The following KIAA1614 variants were observed in gnomAD, a reference collection of about 807,000 sequenced individuals.
KIAA1614 encodes the protein KIAA1614, also known as uncharacterized protein KIAA1614.
Under a neutral mutation model 88.7 loss-of-function variants are expected in KIAA1614, and 76 were observed. The ratio of observed to expected loss-of-function variants is 0.86; its 90% CI spans 0.71 to 1.04. The LOEUF is 1.04. Among genes scored for constraint, KIAA1614 ranks in the 50% least tolerant of loss-of-function variants. The pLI, the probability that KIAA1614 is intolerant of heterozygous loss-of-function variation, is 0.00. For missense variants in KIAA1614, 1,553 were observed against 1,582.5 expected (o/e 0.98, Z 0.32); for synonymous variants, 714 against 675.5 (o/e 1.06, Z -0.88).
chr1:180,929,120 A>G (rs7513966), intron 4 of KIAA1614, among the ~76,000 whole-genome samples: 150,305 of 152,340 alleles, frequency 0.99, 74,180 homozygotes, highest in Middle Eastern at 1. Flanking sequence ...GTGCCTCTGC[A>G]GAAGTCTGTG....
chr1:180,934,375 G>A (rs956776001), intron 4 of KIAA1614, among the ~76,000 whole-genome samples: 4 of 152,008 alleles, frequency 2.6e-5, no homozygotes, highest in Admixed American at 6.6e-5. Context: ...GATCACTTGC[G>A]CCCAGGAGTT....
At chr1:180,928,773 A>G (rs1654129673) in intron 4 of KIAA1614, among the ~76,000 whole-genome samples, 200 bp downstream of exon 4, 1 of 151,386 alleles carries the variant, frequency 6.6e-6, no homozygotes, top group South Asian at 2.1e-4. Flanking sequence ...TCAGGCACTG[A>G]GATACAAAGA....
chr1:180,927,108 C>G (rs1300271818), intron 3 of KIAA1614, among the ~76,000 whole-genome samples: 2 of 152,144 alleles, frequency 1.3e-5, no homozygotes, highest in African/African-American at 2.4e-5. Context: ...TCCAAGGAAG[C>G]CTTCCTTGGA....
At chr1:180,917,466 G>A (rs1323242093) in intron 2 of KIAA1614, among the ~76,000 whole-genome samples, 4 of 61,330 alleles carry the variant, frequency 6.5e-5, no homozygotes, top group Non-Finnish European at 1.2e-4. Flanking sequence ...GCCCTCTGGT[G>A]GGGCAAGCAG....
At chr1:180,939,112 G>C (rs868020344) in intron 6 of KIAA1614, among the ~76,000 whole-genome samples, 82 of 141,360 alleles carry the variant, frequency 5.8e-4, no homozygotes, top group African/African-American at 1.9e-3. Flanking sequence ...GGCAGAGCTG[G>C]GGGGAGAAGG....
intron 6 of KIAA1614, 70 bp downstream of exon 6, chr1:180,938,781 C>G: frequency 1.3e-6 from 2 of 1,492,050 alleles, no homozygotes; most frequent in South Asian, 2.5e-5. Flanking sequence ...GGGACAGAGA[C>G]CCCCTGGAGT....
chr1:180,924,744 T>C (rs2102261438), intron 3 of KIAA1614, among the ~76,000 whole-genome samples: 1 of 152,304 alleles, frequency 6.6e-6, no homozygotes, highest in East Asian at 1.9e-4. Context: ...TACAAGATGG[T>C]GTTTGTCATT....
intron 8 of KIAA1614, 159 bp downstream of exon 8, chr1:180,944,675 G>A: frequency 1.3e-6 from 1 of 744,660 alleles, no homozygotes; most frequent in Non-Finnish European, 2.1e-6. Context: ...TGCCACGGGA[G>A]TCTCAGCACC....
chr1:180,917,023 T>C lies in KIAA1614; in HGVS notation c.920T>C (p.Met307Thr). 6.2e-7 allele frequency: 1 copy of C among 1,613,942 alleles called. No individual in the cohort carries two copies. Among genetic ancestry groups the C allele is most frequent in the South Asian group, 1.1e-5 (1 of 91,084 alleles). ...AGAAACCGCCTGTTGCTGCAGGAGA[T>C]GCTCAACGTTTCTGGGCAGAGCCCC... The part of the protein sequence containing the change: ...VERNRLLLQE[M>T]LNVSGQSPRK... Residue 307 changes from methionine (M) to threonine (T), a missense_variant, in exon 2 of 9, where the codon ATG (methionine) becomes ACG (threonine). Met to Thr is a moderately conservative substitution (Grantham distance 81). Coordinates refer to ENST00000367588, the MANE Select transcript of KIAA1614 (RefSeq NM_020950.2).
Position 180,916,465 on chromosome 1 carries a change from G to A in KIAA1614, c.362G>A (p.Gly121Asp), listed in dbSNP as rs1450111223. The change falls in exon 2 of 9, where the codon GGC becomes GAC. Residue 121 changes from glycine to aspartate, a missense_variant. By Grantham distance (94) the Gly-to-Asp change is moderately conservative. Coordinates refer to ENST00000367588, the MANE Select transcript of KIAA1614 (RefSeq NM_020950.2). ...SSPKKPQCRR[G>D]KAGRAGTPSE... ...CCCAAGAAACCCCAATGCAGACGAG[G>A]CAAGGCAGGGAGAGCCGGGACTCCA... 3 of 1,614,078 alleles carry A rather than the reference G, an allele frequency of 1.9e-6. No individual in the cohort carries two copies. The highest frequency in any genetic ancestry group is 2.7e-5 in the African/African-American group (2 of 74,946).
At position 180,935,307 on chromosome 1, in the gene KIAA1614, G is replaced by A; in HGVS notation, c.1398G>A (p.Glu466=). ...SAREAEFRHL[E]RLQQRQRQVL... ...GCGAAGCCGAGTTCCGTCACCTGGA[G>A]CGGCTGCAGCAGCGCCAGCGCCAGG... The change falls in exon 5 of 9, where the codon GAG becomes GAA. Residue 466 remains glutamate, a synonymous_variant. Transcript: ENST00000367588. The surrounding 1 kb of genome is among the most constrained non-coding windows in gnomAD (Gnocchi z 6.1). The A allele has an allele frequency of 6.7e-7, 1 of 1,486,596 alleles. No individual in the cohort carries two copies. The allele number at this position is 1,486,596 out of a possible 1,614,324, so 92.1% of individuals were successfully genotyped here. A position where few individuals can be genotyped will look rare whatever the true frequency, so the allele number is the denominator to read the frequency against.
intron 3 of KIAA1614, among the ~76,000 whole-genome samples, chr1:180,920,271 A>G (rs1001431098): frequency 1.3e-5 from 2 of 152,216 alleles, no homozygotes; most frequent in African/African-American, 4.8e-5. Context: ...TTACTTCTGT[A>G]TCAATGAACT....
chr1:180,918,913 A>G (rs1653884934), intron 3 of KIAA1614, among the ~76,000 whole-genome samples: 1 of 152,178 alleles, frequency 6.6e-6, no homozygotes, highest in Non-Finnish European at 1.5e-5. Context: ...GGATCAAGGC[A>G]CAAGCAGATT....
At chr1:180,931,065 A>C (rs1235437205) in intron 4 of KIAA1614, among the ~76,000 whole-genome samples, 1 of 152,248 alleles carries the variant, frequency 6.6e-6, no homozygotes, top group African/African-American at 2.4e-5. Flanking sequence ...GGCTAGAGGC[A>C]GCTGGGGCAA....
Position 180,941,034 on chromosome 1 carries a change from T to A in KIAA1614, c.2919-11T>A. On this transcript the variant is annotated splice_polypyrimidine_tract_variant and intron_variant, in intron 6 of 8. Transcript: ENST00000367588. Reference sequence around the variant, plus strand: ...CTCCCCCGCCCCCTCACCTCCACCCTTGTGTTTCAGAGCATCAGCAGGAGC... The same window carrying A: ...CTCCCCCGCCCCCTCACCTCCACCCATGTGTTTCAGAGCATCAGCAGGAGC... The A allele has an allele frequency of 4.5e-6, 1 of 219,914 alleles. No homozygotes were observed. Among genetic ancestry groups the A allele is most frequent in the Non-Finnish European group, 6.6e-6 (1 of 151,590 alleles). The allele number at this position is 219,914 out of a possible 1,614,324, so 13.6% of individuals were successfully genotyped here. A position where few individuals can be genotyped will look rare whatever the true frequency, so the allele number is the denominator to read the frequency against.
chr1:180,929,246 T>C (rs924971339), intron 4 of KIAA1614, among the ~76,000 whole-genome samples: 14 of 152,154 alleles, frequency 9.2e-5, no homozygotes, highest in Admixed American at 2.6e-4. Context: ...CGCCATGCAG[T>C]GAGTGCTGCA....
At chr1:180,924,245 A>G (rs544650439) in intron 3 of KIAA1614, among the ~76,000 whole-genome samples, 23 of 152,360 alleles carry the variant, frequency 1.5e-4, no homozygotes, top group African/African-American at 5.5e-4. Context: ...CTGAAATTCT[A>G]GGAAAGGAAG....
At chr1:180,914,212 G>A (rs1046032058) in intron 1 of KIAA1614, among the ~76,000 whole-genome samples, 2 of 152,166 alleles carry the variant, frequency 1.3e-5, no homozygotes, top group Non-Finnish European at 2.9e-5. Context: ...TCAGAAGGTA[G>A]AATCAATATT....
At position 180,930,338 on chromosome 1, in the gene KIAA1614, G is replaced by C. The variant is rs7527700; in HGVS notation, c.1205+1765G>C. On this transcript the variant is annotated intron_variant, in intron 4 of 8. Coordinates refer to ENST00000367588, the MANE Select transcript of KIAA1614 (RefSeq NM_020950.2). ...GGAGGCTGAGGCAGGAGAATCACTTGAACCCGGGAGGCGGAGGTTGCAGCG... is the reference window on the plus strand; with the variant it reads ...GGAGGCTGAGGCAGGAGAATCACTTCAACCCGGGAGGCGGAGGTTGCAGCG... 5.5e-4 allele frequency among the ~76,000 whole-genome samples: 83 copies of C among 152,118 alleles called. 1 individual carries two copies. The highest frequency in any genetic ancestry group is 1.9e-3 in the African/African-American group (79 of 41,500).
Sources: gnomAD v4.1 joint callset for allele counts (sites outside exome capture counted in the v4.1 genomes callset) on GRCh38, gnomAD v4.1.1 for gene constraint, Gnocchi (gnomAD v3.1) non-coding constraint, MANE v1.5 for transcripts, NCBI Gene and HGNC (gene_info 2026-07-23, HGNC 2026-07-21) for gene names.